The following CDH13 variants were observed in gnomAD, a reference collection of about 807,000 sequenced individuals.
The protein encoded by CDH13 is cadherin-13.
CDH13 carries 24 observed loss-of-function variants against 63.8 expected under a neutral mutation model. That is an observed-to-expected ratio of 0.38 (90% CI 0.27 to 0.53). The LOEUF (loss-of-function observed/expected upper bound fraction) is 0.53. Ranked by LOEUF, CDH13 falls within the 20% of genes least tolerant of loss-of-function variation. The pLI, the probability that CDH13 is intolerant of heterozygous loss-of-function variation, is 0.85. For synonymous variants in CDH13, 503 were observed against 355.3 expected, an observed-to-expected ratio of 1.42 and a Z score of -4.67; for missense variants, 1,049 against 903.1, an observed-to-expected ratio of 1.16 and a Z score of -2.07.
chr16:83,249,455 A>G (rs1000272874), intron 5 of CDH13, among the ~76,000 whole-genome samples: 3 of 152,168 alleles, frequency 2.0e-5, no homozygotes, highest in African/African-American at 7.2e-5. Context: ...TGTCCTGTGC[A>G]GTTATCGATG....
chr16:83,734,106 G>A (rs1412483088), intron 10 of CDH13, among the ~76,000 whole-genome samples: 2 of 151,946 alleles, frequency 1.3e-5, no homozygotes, highest in Non-Finnish European at 2.9e-5. Flanking sequence ...AAAAAACAGG[G>A]ACCACCAACA....
Position 83,239,328 on chromosome 16 carries a change from A to G in CDH13, c.636+21831A>G, listed in dbSNP as rs534506700. Among the ~76,000 whole-genome samples the G allele has an allele frequency of 7.9e-5, 12 of 152,308 alleles. No homozygotes were observed. In the South Asian group the frequency reaches 2.5e-3, roughly 32 times the overall value. On this transcript the variant is annotated intron_variant, in intron 5 of 13. Coordinates refer to ENST00000567109, the MANE Select transcript of CDH13 (RefSeq NM_001257.5). ...TGATCTACCGCCTGGGCACTTTGTC[A>G]AGGGTGCGTGAGGAGAGAGGGGAAA... is the stretch of plus-strand genomic sequence containing the variant.
At chr16:82,802,738 G>T (rs2036928459) in intron 1 of CDH13, among the ~76,000 whole-genome samples, 1 of 150,990 alleles carries the variant, frequency 6.6e-6, no homozygotes, top group South Asian at 2.1e-4. Flanking sequence ...CTGGGGAAAA[G>T]TGAACAGCAA....
chr16:83,605,985 G>C (rs1908293293), intron 8 of CDH13, among the ~76,000 whole-genome samples: 1 of 152,244 alleles, frequency 6.6e-6, no homozygotes, highest in African/African-American at 2.4e-5. Context: ...ACCTGCTGGG[G>C]AGAGGAGAGC....
rs78589591 is a variant in CDH13, at chr16:83,322,900, T to C, written c.637-21962T>C. On this transcript the variant is annotated intron_variant, in intron 5 of 13. Coordinates refer to ENST00000567109, the MANE Select transcript of CDH13 (RefSeq NM_001257.5). ...GATTTTTTAGAGAAGGATGACACTT[T>C]GTTATTTAATTGATACTGAGTGTTT... Among the ~76,000 whole-genome samples the C allele has an allele frequency of 4.1e-3, 631 of 152,252 alleles. 4 individuals carry two copies. The highest frequency in any genetic ancestry group is 0.015 in the African/African-American group (605 of 41,548).
At chr16:82,841,317 C>T (rs958890038) in intron 1 of CDH13, among the ~76,000 whole-genome samples, 1 of 152,184 alleles carries the variant, frequency 6.6e-6, no homozygotes, top group Non-Finnish European at 1.5e-5. Context: ...CTTGCTTGCC[C>T]TTGGAACAAA....
chr16:83,034,696 T>C (rs1431458436), intron 3 of CDH13, among the ~76,000 whole-genome samples: 2 of 152,300 alleles, frequency 1.3e-5, no homozygotes, highest in East Asian at 3.9e-4. Context: ...CTGGAAAAGA[T>C]ACTGTCATCG....
chr16:83,559,322 A>C (rs1214470196), intron 7 of CDH13, among the ~76,000 whole-genome samples: 1 of 152,196 alleles, frequency 6.6e-6, no homozygotes, highest in African/African-American at 2.4e-5. Flanking sequence ...CTGTAATCCC[A>C]ACACTTTGGG....
chr16:83,237,258 C>T (rs2040173372), intron 5 of CDH13, among the ~76,000 whole-genome samples: 1 of 152,184 alleles, frequency 6.6e-6, no homozygotes, highest in African/African-American at 2.4e-5. Context: ...GAGTGGGCAC[C>T]CACCCCATGG....
chr16:82,639,969 A>G lies in CDH13; in HGVS notation c.45+12832A>G, dbSNP rs559781740. Among the ~76,000 whole-genome samples, 8 of 152,328 alleles carry G rather than the reference A, an allele frequency of 5.3e-5. No individual in the cohort carries two copies. The East Asian group carries it at 1.5e-3, about 29-fold the overall frequency. On this transcript the variant is annotated intron_variant, in intron 1 of 13. Coordinates refer to ENST00000567109, the MANE Select transcript of CDH13 (RefSeq NM_001257.5). ...TAACTCATTCACTTAACAAATATTT[A>G]CTGGGGGAAGACAATATCTCAAGCA...
intron 4 of CDH13, among the ~76,000 whole-genome samples, chr16:83,132,973 T>G (rs1048957067): frequency 6.6e-6 from 1 of 152,210 alleles, no homozygotes; most frequent in African/African-American, 2.4e-5. Context: ...GTATCCTTAT[T>G]CCTTAGGAGC....
chr16:83,387,180 A>G (rs1412850620), intron 6 of CDH13, among the ~76,000 whole-genome samples: 2 of 152,122 alleles, frequency 1.3e-5, no homozygotes, highest in Non-Finnish European at 2.9e-5. Context: ...TATATGTGAG[A>G]AGGAGGAGGA....
intron 5 of CDH13, among the ~76,000 whole-genome samples, chr16:83,252,073 TATA>T (rs1905608404): frequency 7.6e-6 from 1 of 132,274 alleles, no homozygotes; most frequent in Non-Finnish European, 1.6e-5. Context: ...AATATATATA[TATA>T]GTATATATGT....
chr16:83,402,749 G>A (rs888022587), intron 6 of CDH13, among the ~76,000 whole-genome samples: 17 of 152,168 alleles, frequency 1.1e-4, no homozygotes, highest in African/African-American at 3.6e-4. Context: ...AAGTTACACC[G>A]ATCAGTGTCA....
At chr16:82,962,516 A>G (rs971591278) in intron 2 of CDH13, among the ~76,000 whole-genome samples, 4 of 152,218 alleles carry the variant, frequency 2.6e-5, no homozygotes, top group African/African-American at 9.6e-5. Flanking sequence ...TCAACAAAGC[A>G]CATTAGGAGA....
chr16:83,048,126 G>A (rs188092972), intron 3 of CDH13, among the ~76,000 whole-genome samples: 147 of 152,258 alleles, frequency 9.7e-4, no homozygotes, highest in African/African-American at 3.0e-3. Context: ...AATGATTTCC[G>A]CATGCAGAAA....
intron 10 of CDH13, among the ~76,000 whole-genome samples, chr16:83,690,540 G>A (rs562164483): frequency 1.3e-5 from 2 of 152,098 alleles, no homozygotes; most frequent in Admixed American, 1.3e-4. Flanking sequence ...CGGAGAAGAT[G>A]GGGAAAGTGT....
intron 1 of CDH13, among the ~76,000 whole-genome samples, chr16:82,781,123 G>C (rs897097983): frequency 2.0e-5 from 3 of 152,138 alleles, no homozygotes; most frequent in African/African-American, 7.2e-5. Context: ...GTTCACTTGA[G>C]GTATCATTTC....
intron 5 of CDH13, among the ~76,000 whole-genome samples, chr16:83,257,699 T>G (rs1261633805): frequency 6.6e-6 from 1 of 152,236 alleles, no homozygotes; most frequent in Non-Finnish European, 1.5e-5. Flanking sequence ...TCCATGTCTT[T>G]GCTATTGTGA....
Sources: gnomAD v4.1 joint callset for allele counts (sites outside exome capture counted in the v4.1 genomes callset) on GRCh38, gnomAD v4.1.1 for gene constraint, MANE v1.5 for transcripts, NCBI Gene and HGNC (gene_info 2026-07-23, HGNC 2026-07-21) for gene names.